Variants in SLC8A1 observed in about 807,000 individuals in gnomAD.
SLC8A1 encodes solute carrier family 8 member A1.
In SLC8A1, 18 loss-of-function variants were observed where a neutral mutation model predicts 68.3. The observed-to-expected ratio is 0.26, with a 90% CI of 0.18 to 0.39. The LOEUF is 0.39. Ranked by LOEUF, SLC8A1 falls within the 10% of genes least tolerant of loss-of-function variation. The probability of loss-of-function intolerance (pLI) is 1.00; values close to 1 mark genes in which losing one functional copy is unlikely to be tolerated. For synonymous variants in SLC8A1, 475 were observed against 415.5 expected (o/e 1.14, Z -1.74); for missense variants, 985 against 1,156.7 (o/e 0.85, Z 2.15).
intron 2 of SLC8A1, among the ~76,000 whole-genome samples, chr2:40,338,077 C>G (rs1337533502): frequency 2.6e-5 from 4 of 151,976 alleles, no homozygotes; most frequent in African/African-American, 9.7e-5. Flanking sequence ...AAGTTTCTCT[C>G]TATCTCTCTC....
At chr2:40,109,205 G>T (rs773278984) in exon 8 of SLC8A1, 11 of 152,058 alleles carry the variant, frequency 7.2e-5, no homozygotes, top group Non-Finnish European at 1.5e-4. Flanking sequence ...TCTACCATTT[G>T]CATAGCAGAA....
intron 2 of SLC8A1, among the ~76,000 whole-genome samples, chr2:40,306,493 A>G (rs1229730165): frequency 6.6e-6 from 1 of 152,142 alleles, no homozygotes; most frequent in Non-Finnish European, 1.5e-5. Flanking sequence ...GCAAACTTTC[A>G]GACATGTACT....
chr2:40,125,920 A>T (rs1212975364), intron 7 of SLC8A1, among the ~76,000 whole-genome samples: 2 of 152,128 alleles, frequency 1.3e-5, no homozygotes, highest in Non-Finnish European at 2.9e-5. Flanking sequence ...ATTTTTATAG[A>T]TTCTTGTAAT....
At chr2:40,471,264 C>T (rs936671999) in intron 1 of SLC8A1, among the ~76,000 whole-genome samples, 2 of 152,108 alleles carry the variant, frequency 1.3e-5, no homozygotes, top group African/African-American at 4.8e-5. Context: ...GCCGTGGACC[C>T]AGGGTTTTTT....
intron 2 of SLC8A1, among the ~76,000 whole-genome samples, chr2:40,309,835 A>G (rs1437957167): frequency 2.6e-5 from 4 of 152,114 alleles, no homozygotes; most frequent in Non-Finnish European, 5.9e-5. Flanking sequence ...TAATTTACAT[A>G]TAATAAAATC....
exon 2 of SLC8A1, chr2:40,430,295 T>A (rs770806287): frequency 1.9e-6 from 3 of 1,590,114 alleles, no homozygotes; most frequent in Non-Finnish European, 2.6e-6. Context: ...CTTCCAACTG[T>A]CACAACCTAC....
intron 1 of SLC8A1, among the ~76,000 whole-genome samples, chr2:40,484,658 G>C (rs1704841956): frequency 6.6e-6 from 1 of 152,210 alleles, no homozygotes; most frequent in Non-Finnish European, 1.5e-5. Context: ...TTAAACGTGA[G>C]GGTTGGTACT....
At chr2:40,182,151 T>C (rs1018008283) in intron 2 of SLC8A1, among the ~76,000 whole-genome samples, 1 of 152,220 alleles carries the variant, frequency 6.6e-6, no homozygotes, top group African/African-American at 2.4e-5. Context: ...AACATAGCTG[T>C]TGCTACTTCT....
intron 2 of SLC8A1, among the ~76,000 whole-genome samples, chr2:40,200,253 T>TATATATATAA (rs2054092813): frequency 2.8e-5 from 1 of 35,110 alleles, no homozygotes; most frequent in Non-Finnish European, 8.2e-5. Flanking sequence ...TATATATATA[T>TATATATATAA]ATATATATAT....
At chr2:40,115,745 A>T in intron 7 of SLC8A1, 116 bp from the exon 11 acceptor site, 1 of 1,354,128 alleles carries the variant, frequency 7.4e-7, no homozygotes, top group Non-Finnish European at 1.0e-6. Flanking sequence ...CCCAGTGACC[A>T]AGAAATGGCT....
intron 6 of SLC8A1, among the ~76,000 whole-genome samples, chr2:40,150,903 C>A (rs1207615859): frequency 6.6e-6 from 1 of 152,172 alleles, no homozygotes; most frequent in Non-Finnish European, 1.5e-5. Flanking sequence ...GCTACTGCTG[C>A]ATTTTTAGAT....
intron 2 of SLC8A1, among the ~76,000 whole-genome samples, chr2:40,215,438 C>G (rs1368988186): frequency 1.3e-5 from 2 of 151,832 alleles, no homozygotes; most frequent in East Asian, 1.9e-4. Context: ...GAGATCGAGA[C>G]CATCCTGGCT....
At chr2:40,344,995 G>A (rs917142254) in intron 2 of SLC8A1, among the ~76,000 whole-genome samples, 31 of 149,832 alleles carry the variant, frequency 2.1e-4, no homozygotes, top group African/African-American at 7.7e-4. Flanking sequence ...TCCGTATTTT[G>A]TTTGTCTGTT....
chr2:40,259,566 A>G (rs903444733), intron 2 of SLC8A1, among the ~76,000 whole-genome samples: 1 of 152,060 alleles, frequency 6.6e-6, no homozygotes, highest in Non-Finnish European at 1.5e-5. Flanking sequence ...CACAACCTTG[A>G]GCTCTTGGGC....
chr2:40,425,546 T>G (rs1278258699), intron 2 of SLC8A1, among the ~76,000 whole-genome samples: 1 of 151,926 alleles, frequency 6.6e-6, no homozygotes, highest in Non-Finnish European at 1.5e-5. Flanking sequence ...TCTGGCTTTG[T>G]GCACAACATT....
exon 8 of SLC8A1, chr2:40,109,610 T>A (rs2034437250): frequency 6.6e-6 from 1 of 152,130 alleles, no homozygotes; most frequent in African/African-American, 2.4e-5. Flanking sequence ...AGCAATCACT[T>A]TATAGCATAA....
At chr2:40,393,304 T>C (rs1685903770) in intron 2 of SLC8A1, among the ~76,000 whole-genome samples, 1 of 152,076 alleles carries the variant, frequency 6.6e-6, no homozygotes, top group East Asian at 1.9e-4. Context: ...CAGTTGTGCT[T>C]TGAGGTCATT....
chr2:40,367,213 C>T (rs34305384), intron 2 of SLC8A1, among the ~76,000 whole-genome samples: 7,202 of 152,036 alleles, frequency 0.047, 267 homozygotes, highest in Non-Finnish European at 0.069. Flanking sequence ...AGGCAGATGG[C>T]ATCCTTGTTC....
chr2:40,304,898 G>A (rs1306952185), intron 2 of SLC8A1, among the ~76,000 whole-genome samples: 2 of 152,114 alleles, frequency 1.3e-5, no homozygotes, highest in South Asian at 4.2e-4. Context: ...ATGGACTTCC[G>A]CTTTTGAGAA....
Sources: gnomAD v4.1 joint callset for allele counts (sites outside exome capture counted in the v4.1 genomes callset) on GRCh38, gnomAD v4.1.1 for gene constraint, MANE v1.5 for transcripts, NCBI Gene and HGNC (gene_info 2026-07-23, HGNC 2026-07-21) for gene names.